The following HIPK2 variants were observed in gnomAD, a reference collection of about 807,000 sequenced individuals.
The protein encoded by HIPK2 is homeodomain interacting protein kinase 2, also known as homeodomain-interacting protein kinase 2.
In HIPK2, 27 loss-of-function variants were observed where a neutral mutation model predicts 113.7. The ratio of observed to expected loss-of-function variants is 0.24; its 90% confidence interval spans 0.17 to 0.33. The LOEUF is 0.33. HIPK2 is among the 10% of genes least tolerant of loss of function. HIPK2 has a pLI of 1.00. For synonymous variants in HIPK2, 631 were observed against 642.2 expected (o/e 0.98, Z 0.26); for missense variants, 1,257 against 1,588.0 (o/e 0.79, Z 3.54).
chr7:139,565,901 A>T lies in HIPK2; in HGVS notation c.*7026T>A, dbSNP rs1276915428. The T allele has an allele frequency of 6.6e-6, 1 of 152,140 alleles. No individual in the cohort carries two copies. Among genetic ancestry groups the T allele is most frequent in the South Asian group, 2.1e-4 (1 of 4,824 alleles). 9.4% of individuals were successfully genotyped at this position (152,140 alleles called of 1,614,324 possible). ...CAGTAAAAAATAGCATTTTGAAAAA[A>T]ATATATACCTTTAGTATTGCCTTTC... On this transcript the variant is annotated 3_prime_UTR_variant, in exon 15 of 15. Transcript: ENST00000406875.
At chr7:139,773,344 C>T (rs10261622) in intron 1 of HIPK2, among the ~76,000 whole-genome samples, 15,571 of 152,142 alleles carry the variant, frequency 0.1, 2,631 homozygotes, top group African/African-American at 0.36. Flanking sequence ...AAGAGAATAG[C>T]TATATGAAAT....
chr7:139,748,341 C>T (rs1011577849), intron 1 of HIPK2, among the ~76,000 whole-genome samples: 3 of 152,076 alleles, frequency 2.0e-5, no homozygotes, highest in Non-Finnish European at 2.9e-5. Context: ...ATGGGCCCTA[C>T]GTTACTTTAT....
At chr7:139,656,618 C>T (rs1296755650) in intron 2 of HIPK2, among the ~76,000 whole-genome samples, 1 of 152,186 alleles carries the variant, frequency 6.6e-6, no homozygotes, top group Non-Finnish European at 1.5e-5. Context: ...CCTCAAGAAC[C>T]AACTTGCCTA....
At chr7:139,734,583 G>C (rs1181397455) in intron 1 of HIPK2, among the ~76,000 whole-genome samples, 3 of 152,210 alleles carry the variant, frequency 2.0e-5, no homozygotes, top group East Asian at 3.9e-4. Flanking sequence ...TTGTGCTCTT[G>C]GTAAAGAATA....
At chr7:139,763,173 A>G (rs1168298030) in intron 1 of HIPK2, among the ~76,000 whole-genome samples, 1 of 152,238 alleles carries the variant, frequency 6.6e-6, no homozygotes, top group Non-Finnish European at 1.5e-5. Flanking sequence ...GGGAGATCAG[A>G]GAAGCAAGCC....
At chr7:139,767,849 G>A (rs1337644503) in intron 1 of HIPK2, among the ~76,000 whole-genome samples, 1 of 152,242 alleles carries the variant, frequency 6.6e-6, no homozygotes, top group Admixed American at 6.5e-5. Context: ...TTAGGACAGG[G>A]CAACAAGGGC....
At position 139,666,807 on chromosome 7, in the gene HIPK2, A is replaced by G. The variant is rs1235600785; in HGVS notation, c.1104-35082T>C. ...GCTGGGTACAGTGGCTCACACCTAT[A>G]ATCCTAGCAGTTTGGGAGGCCGAGG... On this transcript the variant is annotated intron_variant, in intron 2 of 14. Coordinates refer to ENST00000406875, the MANE Select transcript of HIPK2 (RefSeq NM_022740.5). Among the ~76,000 whole-genome samples the G allele has an allele frequency of 3.3e-5, 5 of 152,198 alleles. No homozygotes were observed. The East Asian group carries it at 9.6e-4, about 29-fold the overall frequency.
At chr7:139,723,179 GTTT>G (rs1383894538) in intron 1 of HIPK2, among the ~76,000 whole-genome samples, 1 of 146,586 alleles carries the variant, frequency 6.8e-6, no homozygotes, top group African/African-American at 2.6e-5. Flanking sequence ...CACAGTTACG[GTTT>G]TTTTCTTTCT....
rs144454207 is a variant in HIPK2 at position 139,758,424 on chromosome 7, T to C, written c.19+19181A>G. On this transcript the variant is annotated intron_variant, in intron 1 of 14. Coordinates refer to ENST00000406875, the MANE Select transcript of HIPK2 (RefSeq NM_022740.5). ...GGGACAATTGAGTATTGAAAAAATA[T>C]AAAGTTGCATCCAAGCCTCAGAACA... Among the ~76,000 whole-genome samples the C allele has an allele frequency of 2.2e-3, 331 of 152,132 alleles. 3 individuals carry two copies. Among genetic ancestry groups the C allele is most frequent in the African/African-American group, 7.5e-3 (309 of 41,476 alleles).
At chr7:139,633,471 A>G (rs761096099) in intron 2 of HIPK2, among the ~76,000 whole-genome samples, 19 of 152,140 alleles carry the variant, frequency 1.2e-4, no homozygotes, top group Non-Finnish European at 2.5e-4. Context: ...AAGAAAACAA[A>G]CAAAACCCAA....
At chr7:139,598,724 G>A (rs924412021) in intron 11 of HIPK2, among the ~76,000 whole-genome samples, 15 of 152,230 alleles carry the variant, frequency 9.9e-5, no homozygotes, top group Non-Finnish European at 1.8e-4. Flanking sequence ...CAGGTTGGGA[G>A]GCTAAGGGTT....
At chr7:139,758,085 A>G (rs1426169761) in intron 1 of HIPK2, among the ~76,000 whole-genome samples, 1 of 152,226 alleles carries the variant, frequency 6.6e-6, no homozygotes, top group African/African-American at 2.4e-5. Context: ...TAAGAAATTT[A>G]TAAATTTAAT....
chr7:139,680,044 G>A (rs1410179082), intron 2 of HIPK2, among the ~76,000 whole-genome samples: 2 of 152,100 alleles, frequency 1.3e-5, no homozygotes, highest in African/African-American at 4.8e-5. Context: ...CAAGGAGGCC[G>A]GAAGGCCGGA....
chr7:139,686,506 G>A (rs1221833686), intron 2 of HIPK2, among the ~76,000 whole-genome samples: 1 of 152,152 alleles, frequency 6.6e-6, no homozygotes, highest in Non-Finnish European at 1.5e-5. Flanking sequence ...TGAATCATGG[G>A]GGCAGTTGCA....
At chr7:139,771,617 A>G (rs920181139) in intron 1 of HIPK2, among the ~76,000 whole-genome samples, 8 of 152,138 alleles carry the variant, frequency 5.3e-5, no homozygotes, top group African/African-American at 9.7e-5. Context: ...TGAATCAGAC[A>G]TGGTTCCTGC....
At chr7:139,755,048 T>TG (rs34492579) in intron 1 of HIPK2, among the ~76,000 whole-genome samples, 4 of 152,084 alleles carry the variant, frequency 2.6e-5, no homozygotes, top group African/African-American at 7.2e-5. Context: ...ACTTCCAGCA[T>TG]GGGGGGGATG....
intron 1 of HIPK2, among the ~76,000 whole-genome samples, chr7:139,763,476 C>CA (rs369998446): frequency 2.9e-5 from 4 of 136,836 alleles, no homozygotes; most frequent in African/African-American, 1.3e-4. Flanking sequence ...GAACACGCCC[C>CA]CCCCCCCACA....
rs556332253 is a variant in HIPK2 at position 139,586,640 on chromosome 7, C to G, written c.2718-2576G>C. ...AAAAAATAAGCAAAGTATGGTGGTG[C>G]ATGCCTGTAGTCCCAGCTGTTTGGG... On this transcript the variant is annotated intron_variant, in intron 12 of 14. Coordinates refer to ENST00000406875, the MANE Select transcript of HIPK2 (RefSeq NM_022740.5). Among the ~76,000 whole-genome samples the G allele has an allele frequency of 2.5e-3, 384 of 151,832 alleles. 2 individuals carry two copies. Among genetic ancestry groups the G allele is most frequent in the African/African-American group, 9.1e-3 (378 of 41,402 alleles).
intron 2 of HIPK2, among the ~76,000 whole-genome samples, chr7:139,689,834 A>G (rs1410378069): frequency 6.6e-6 from 1 of 152,144 alleles, no homozygotes; most frequent in Non-Finnish European, 1.5e-5. Flanking sequence ...AGGACTGGGA[A>G]GGAGTCAGGT....
Sources: gnomAD v4.1 joint callset for allele counts (sites outside exome capture counted in the v4.1 genomes callset) on GRCh38, gnomAD v4.1.1 for gene constraint, MANE v1.5 for transcripts, NCBI Gene and HGNC (gene_info 2026-07-23, HGNC 2026-07-21) for gene names.